Variants in ZRANB1 observed in about 807,000 individuals in gnomAD.
ZRANB1 encodes ubiquitin thioesterase ZRANB1.
ZRANB1 carries 16 observed loss-of-function variants against 80.5 expected under a neutral mutation model. The ratio of observed to expected loss-of-function variants is 0.20; its 90% confidence interval spans 0.13 to 0.30. The LOEUF (loss-of-function observed/expected upper bound fraction) is 0.30. Ranked by LOEUF, ZRANB1 falls within the 10% of genes least tolerant of loss-of-function variation. The probability of loss-of-function intolerance (pLI) is 1.00; values close to 1 mark genes in which losing one functional copy is unlikely to be tolerated. For missense variants in ZRANB1, 576 were observed against 862.6 expected (o/e 0.67, Z 4.16); for synonymous variants, 291 against 293.1 (o/e 0.99, Z 0.07).
intron 2 of ZRANB1, among the ~76,000 whole-genome samples, chr10:124,969,773 T>C (rs1951806405): frequency 6.6e-6 from 1 of 152,158 alleles, no homozygotes; most frequent in Non-Finnish European, 1.5e-5. Context: ...CAAATTCCCA[T>C]TAAAGTACAT....
chr10:124,943,362 G>A (rs1951552922), intron 1 of ZRANB1, 55 bp downstream of exon 1: 3 of 1,518,118 alleles, frequency 2.0e-6, no homozygotes, highest in Non-Finnish European at 2.7e-6. Context: ...TAGTAAAAAT[G>A]ATATGAAAAG....
At chr10:124,920,377 C>T in the ZRANB1 span, among the ~76,000 whole-genome samples, 2 of 152,296 alleles carry the variant, frequency 1.3e-5, no homozygotes, top group South Asian at 2.1e-4. Context: ...ATGCCTTGCA[C>T]ATTTGAACAC....
upstream of ZRANB1, chr10:124,942,009 A>T (rs1278860939): frequency 9.0e-6 from 3 of 334,204 alleles, no homozygotes; most frequent in Non-Finnish European, 1.3e-5. Flanking sequence ...GAATTCATGA[A>T]TCATAATCTG....
chr10:124,986,578 C>T lies in ZRANB1; in HGVS notation c.*1586C>T, dbSNP rs570244083. 3.9e-5 allele frequency: 6 copies of T among 152,148 alleles called. No homozygotes were observed. The highest frequency in any genetic ancestry group is 2.1e-4 in the South Asian group (1 of 4,818). 9.4% of individuals were successfully genotyped at this position (152,148 alleles called of 1,614,324 possible). A position where few individuals can be genotyped will look rare whatever the true frequency, so the allele number is the denominator to read the frequency against. ...TTGCAGGAAAAATGATTTTTTAGTA[C>T]GATTCTGTAGAAATGAATCTTTGAT... On this transcript the variant is annotated 3_prime_UTR_variant, in exon 9 of 9. Coordinates refer to ENST00000359653, the MANE Select transcript of ZRANB1 (RefSeq NM_017580.3).
intron 5 of ZRANB1, among the ~76,000 whole-genome samples, chr10:124,979,277 A>G (rs981323719): frequency 2.0e-5 from 3 of 152,182 alleles, no homozygotes; most frequent in African/African-American, 7.2e-5. Flanking sequence ...GCATTTCCCT[A>G]TTTAATGATG....
At chr10:124,963,442 T>A (rs1951750321) in intron 1 of ZRANB1, among the ~76,000 whole-genome samples, 1 of 151,588 alleles carries the variant, frequency 6.6e-6, no homozygotes, top group Non-Finnish European at 1.5e-5. Flanking sequence ...TTTCCCTGTC[T>A]ACCAACTCTT....
the ZRANB1 span, among the ~76,000 whole-genome samples, chr10:124,930,704 C>T: frequency 1.3e-5 from 2 of 151,962 alleles, no homozygotes; most frequent in East Asian, 1.9e-4. Context: ...ATATTCTTGA[C>T]GTATATATTT....
intron 1 of ZRANB1, chr10:124,945,069 T>C (rs1171288917): frequency 6.6e-6 from 1 of 152,238 alleles, no homozygotes; most frequent in Non-Finnish European, 1.5e-5. Flanking sequence ...GGTTTTGTTA[T>C]TAGTTTCCTT....
the ZRANB1 span, among the ~76,000 whole-genome samples, chr10:124,917,775 C>A: frequency 1.3e-5 from 2 of 151,912 alleles, no homozygotes; most frequent in African/African-American, 4.8e-5. Flanking sequence ...AGGTGGGGGA[C>A]GACGAGGCGG....
chr10:124,920,505 T>C, the ZRANB1 span, among the ~76,000 whole-genome samples: 1 of 152,190 alleles, frequency 6.6e-6, no homozygotes, highest in African/African-American at 2.4e-5. Flanking sequence ...AACTGATCCA[T>C]TCTTCAGTCC....
At position 124,983,384 on chromosome 10, in the gene ZRANB1, GA is replaced by G; in HGVS notation, c.1679-73del. On this transcript the variant is annotated intron_variant, in intron 7 of 8. Transcript: ENST00000359653. The surrounding 1 kb of genome is among the most constrained non-coding windows in gnomAD (Gnocchi z 6.2). ...TGTCAGGAAGGAGCAGTGGACAGGG[GA>G]ATGTGAACAAGGGCAGTGAGGGAGT... 1.3e-6 allele frequency: 2 copies of G among 1,594,564 alleles called. No homozygotes were observed. The highest frequency in any genetic ancestry group is 2.2e-5 in the East Asian group (1 of 44,654).
At chr10:124,918,486 G>A in the ZRANB1 span, among the ~76,000 whole-genome samples, 8 of 152,226 alleles carry the variant, frequency 5.3e-5, no homozygotes, top group Non-Finnish European at 1.2e-4. Context: ...ACCGCGCTTG[G>A]CCTGAGAGAA....
At chr10:124,938,402 T>C (rs1589836718), upstream of ZRANB1, among the ~76,000 whole-genome samples, 1 of 152,070 alleles carries the variant, frequency 6.6e-6, no homozygotes, top group South Asian at 2.1e-4. Context: ...CATGGCTCAC[T>C]GCAGCCTCAA....
In ZRANB1 at chr10:124,972,115, G is replaced by T; in HGVS notation, c.1153G>T (p.Ala385Ser). 1 of 1,610,416 alleles carries T rather than the reference G, an allele frequency of 6.2e-7. No individual in the cohort carries two copies. Among genetic ancestry groups the T allele is most frequent in the Non-Finnish European group, 8.5e-7 (1 of 1,178,790 alleles). ...TGACCTTGTAACATTTACATTGCCA[G>T]CAGGTAACTCCAAAATCTAACGTAA... ...LTDLVTFTLP[A>S]DIEDLPPTVQ... is the part of the protein sequence containing the mutation. Residue 385 changes from alanine (A) to serine (S), a missense_variant, in exon 3 of 9, where the codon GCA becomes TCA. By Grantham distance (99) the Ala-to-Ser change is moderately conservative (BLOSUM62 1). Around this residue, in one of 3 missense-constraint regions of ZRANB1, gnomAD observed 411 missense variants for 583.1 expected, o/e 0.70. Coordinates refer to ENST00000359653, the MANE Select transcript of ZRANB1 (RefSeq NM_017580.3).
At chr10:124,943,357 A>G in intron 1 of ZRANB1, 50 bp downstream of exon 1, 1 of 1,543,316 alleles carries the variant, frequency 6.5e-7, no homozygotes, top group South Asian at 1.2e-5. Context: ...AAAGGTAGTA[A>G]AAATGATATG....
At chr10:124,932,669 A>C in the ZRANB1 span, among the ~76,000 whole-genome samples, 5 of 152,038 alleles carry the variant, frequency 3.3e-5, no homozygotes, top group African/African-American at 9.7e-5. Flanking sequence ...TAGCCATTCT[A>C]GTAAGTATGT....
At chr10:124,957,284 T>A (rs1951694643) in intron 1 of ZRANB1, among the ~76,000 whole-genome samples, 1 of 152,194 alleles carries the variant, frequency 6.6e-6, no homozygotes, top group African/African-American at 2.4e-5. Flanking sequence ...TAAACATTTA[T>A]CTTTTTTAGA....
At chr10:124,965,142 T>A (rs1951766559) in intron 1 of ZRANB1, among the ~76,000 whole-genome samples, 2 of 152,210 alleles carry the variant, frequency 1.3e-5, no homozygotes, top group South Asian at 4.1e-4. Context: ...CTTTGACTTC[T>A]CTAGGGTACA....
intron 3 of ZRANB1, 83 bp from the exon 4 acceptor site, chr10:124,973,562 A>T: frequency 2.5e-6 from 3 of 1,187,282 alleles, no homozygotes; most frequent in Non-Finnish European, 3.6e-6. Flanking sequence ...AGTTACTAGT[A>T]GGTAATTAAT....
Sources: allele counts gnomAD v4.1 joint callset (sites outside exome capture counted in the v4.1 genomes callset), GRCh38; gene constraint gnomAD v4.1.1; regional missense constraint gnomAD v4.1.1; non-coding constraint Gnocchi (gnomAD v3.1); transcripts MANE v1.5; gene names NCBI Gene and HGNC (gene_info 2026-07-23, HGNC 2026-07-21).